PON3: variants seen among roughly 807,000 people sequenced by gnomAD.
PON3 encodes serum paraoxonase/lactonase 3.
In PON3, 37 loss-of-function variants were observed where a neutral mutation model predicts 36.3. That is an observed-to-expected ratio of 1.02 (90% CI 0.78 to 1.34). The LOEUF is 1.34. Ranked by LOEUF, PON3 falls within the 40% of genes most tolerant of loss-of-function variation. The pLI is 0.00. For synonymous variants in PON3, 155 were observed against 154.8 expected, an observed-to-expected ratio of 1.00 and a Z score of -0.01; for missense variants, 415 against 426.5, an observed-to-expected ratio of 0.97 and a Z score of 0.24.
At chr7:95,366,915 A>G (rs10808092) in intron 5 of PON3, among the ~76,000 whole-genome samples, 82,413 of 152,178 alleles carry the variant, frequency 0.54, 22,884 homozygotes, top group East Asian at 0.78. Context: ...GTGCCCAAGG[A>G]CTTTTAAAAA....
At position 95,390,212 on chromosome 7, in the gene PON3, G is replaced by T. The variant is rs1407903421; in HGVS notation, c.146-3C>A. On this transcript the variant is annotated splice_region_variant and splice_polypyrimidine_tract_variant and intron_variant, in intron 2 of 8. Coordinates refer to ENST00000265627, the MANE Select transcript of PON3 (RefSeq NM_000940.3). ...ATCAATATCTTCAGAGCCACTTTCT[G>T]CAAAAGAAGGGTAGAATCAGAAAAA... 5 of 1,609,086 alleles carry T rather than the reference G, an allele frequency of 3.1e-6. No homozygotes were observed. In the African/African-American group the frequency reaches 6.7e-5, roughly 22 times the overall value.
At chr7:95,393,018 C>T (rs1374950564) in intron 2 of PON3, among the ~76,000 whole-genome samples, 15 of 152,302 alleles carry the variant, frequency 9.8e-5, no homozygotes, top group South Asian at 2.1e-4. Context: ...TCAGGAAAGG[C>T]GTTTTCTTTG....
intron 3 of PON3, 41 bp from the exon 4 acceptor site, chr7:95,372,379 C>G: frequency 6.3e-7 from 1 of 1,582,358 alleles, no homozygotes; most frequent in Non-Finnish European, 8.7e-7. Flanking sequence ...ATATACATAT[C>G]AAAACAATAT....
At chr7:95,374,206 G>A (rs1808868406) in intron 3 of PON3, among the ~76,000 whole-genome samples, 1 of 152,090 alleles carries the variant, frequency 6.6e-6, no homozygotes, top group Admixed American at 6.6e-5. Flanking sequence ...TATTATGAGT[G>A]GATGACTTTA....
intron 5 of PON3, among the ~76,000 whole-genome samples, chr7:95,366,610 C>G (rs1177530224): frequency 2.6e-5 from 4 of 152,186 alleles, no homozygotes; most frequent in Admixed American, 6.5e-5. Context: ...TTGTTTGCTA[C>G]AGCCTTTAAA....
chr7:95,364,104 T>C (rs1563613260), intron 5 of PON3, 41 bp from the exon 6 acceptor site: 1 of 1,481,046 alleles, frequency 6.8e-7, no homozygotes, highest in South Asian at 1.1e-5. Context: ...CCATGAGGTA[T>C]TTAAATATCC....
chr7:95,383,260 A>G (rs1204598984), intron 3 of PON3, among the ~76,000 whole-genome samples: 1 of 152,242 alleles, frequency 6.6e-6, no homozygotes, highest in Non-Finnish European at 1.5e-5. Flanking sequence ...TGAATGGGCA[A>G]AAACTGGAAG....
chr7:95,362,973 A>C, intron 6 of PON3, 132 bp from the exon 7 acceptor site: 1 of 698,264 alleles, frequency 1.4e-6, no homozygotes, highest in Non-Finnish European at 2.6e-6. Context: ...AACCACAGTA[A>C]AAGAAGATAA....
At chr7:95,383,023 C>T (rs1809097551) in intron 3 of PON3, among the ~76,000 whole-genome samples, 2 of 152,266 alleles carry the variant, frequency 1.3e-5, no homozygotes, top group South Asian at 2.1e-4. Context: ...TGGGCTTCAT[C>T]CCTGGGATGC....
At chr7:95,390,262 A>G in intron 2 of PON3, 53 bp from the exon 3 acceptor site, 1 of 1,366,234 alleles carries the variant, frequency 7.3e-7, no homozygotes, top group Non-Finnish European at 1.0e-6. Flanking sequence ...CTTAAAAAAT[A>G]CGTCTCACAG....
chr7:95,360,322 C>T (rs1808539240), intron 8 of PON3, among the ~76,000 whole-genome samples, 191 bp from the exon 9 acceptor site: 1 of 152,172 alleles, frequency 6.6e-6, no homozygotes, highest in Non-Finnish European at 1.5e-5. Flanking sequence ...AGTGAACTGG[C>T]TTTCTGACAT....
chr7:95,376,605 T>C (rs757405203), intron 3 of PON3, among the ~76,000 whole-genome samples: 2 of 151,548 alleles, frequency 1.3e-5, no homozygotes, highest in Non-Finnish European at 2.9e-5. Flanking sequence ...ATACTTCCTG[T>C]ATAGCAATGA....
chr7:95,370,999 C>T (rs1808797068), intron 4 of PON3, among the ~76,000 whole-genome samples: 1 of 152,330 alleles, frequency 6.6e-6, no homozygotes, highest in African/African-American at 2.4e-5. Context: ...ATTTTTCTGT[C>T]TGTGAATTCA....
At chr7:95,367,251 A>G in intron 5 of PON3, 111 bp downstream of exon 5, 1 of 1,381,160 alleles carries the variant, frequency 7.2e-7, no homozygotes, top group Non-Finnish European at 1.0e-6. Flanking sequence ...TTAGAAAAAA[A>G]TCAAAACAAT....
chr7:95,389,916 C>T (rs957913151), intron 3 of PON3, among the ~76,000 whole-genome samples: 3 of 152,118 alleles, frequency 2.0e-5, no homozygotes, highest in African/African-American at 7.2e-5. Flanking sequence ...TTATCAAGAC[C>T]CTACTGAGTA....
At chr7:95,370,760 T>C (rs1808791829) in intron 4 of PON3, among the ~76,000 whole-genome samples, 3 of 152,246 alleles carry the variant, frequency 2.0e-5, no homozygotes, top group Admixed American at 2.0e-4. Context: ...TTTTAAAGCA[T>C]ATATGGTATA....
chr7:95,375,551 G>A (rs1419037189), intron 3 of PON3, among the ~76,000 whole-genome samples: 1 of 152,062 alleles, frequency 6.6e-6, no homozygotes, highest in Non-Finnish European at 1.5e-5. Flanking sequence ...GTATTGCTCA[G>A]GAAGGCAGCT....
Position 95,363,875 on chromosome 7 carries a change from G to A in PON3, c.683C>T (p.Ser228Leu). ...GFCSANGITV[S>L]ADQKYVYVAD... Reference sequence around the variant, plus strand: ...CAAAAGAGCTTACTTCTGGTCTGCTGAGACTGTGATCCCATTGGCACTACA... The same window carrying A: ...CAAAAGAGCTTACTTCTGGTCTGCTAAGACTGTGATCCCATTGGCACTACA... The change falls in exon 6 of 9, where the codon TCA (serine) becomes TTA (leucine). Residue 228 changes from serine to leucine, a missense_variant. Coordinates refer to ENST00000265627, the MANE Select transcript of PON3 (RefSeq NM_000940.3). 6.2e-7 allele frequency: 1 copy of A among 1,613,440 alleles called. No individual in the cohort carries two copies. The highest frequency in any genetic ancestry group is 8.5e-7 in the Non-Finnish European group (1 of 1,179,400).
At chr7:95,373,610 A>G (rs1431584600) in intron 3 of PON3, among the ~76,000 whole-genome samples, 2 of 152,144 alleles carry the variant, frequency 1.3e-5, no homozygotes, top group Non-Finnish European at 2.9e-5. Flanking sequence ...TTGCTTCCTT[A>G]TCACATTCTG....
Sources: allele counts gnomAD v4.1 joint callset (sites outside exome capture counted in the v4.1 genomes callset), GRCh38; gene constraint gnomAD v4.1.1; transcripts MANE v1.5; gene names NCBI Gene and HGNC (gene_info 2026-07-23, HGNC 2026-07-21).